Variants in CD300LB observed in about 807,000 individuals in gnomAD.
CD300LB encodes CD300 molecule like family member b.
Under a neutral mutation model 20.8 loss-of-function variants are expected in CD300LB, and 18 were observed. That is an observed-to-expected ratio of 0.87 (90% CI 0.60 to 1.28). CD300LB has a LOEUF of 1.28. Ranked by LOEUF, CD300LB falls within the 50% of genes most tolerant of loss-of-function variation. The probability of loss-of-function intolerance (pLI) is 0.00; values close to 1 mark genes in which losing one functional copy is unlikely to be tolerated. For synonymous variants in CD300LB, 91 were observed against 91.3 expected, an observed-to-expected ratio of 1.00 and a Z score of 0.02; for missense variants, 222 against 251.8, an observed-to-expected ratio of 0.88 and a Z score of 0.80.
intron 1 of CD300LB, among the ~76,000 whole-genome samples, chr17:74,527,874 G>A (rs117969496): frequency 1.3e-4 from 20 of 152,254 alleles, no homozygotes; most frequent in African/African-American, 4.6e-4. Flanking sequence ...GGAGGTGAGC[G>A]GTGGGCAAGC....
At chr17:74,528,912 G>A (rs774812111) in intron 1 of CD300LB, among the ~76,000 whole-genome samples, 7 of 152,050 alleles carry the variant, frequency 4.6e-5, no homozygotes, top group Admixed American at 1.3e-4. Flanking sequence ...CAGGAGGATC[G>A]CTTGAGCCCA....
chr17:74,523,486 G>A (rs770469135), intron 3 of CD300LB, 93 bp downstream of exon 3: 1 of 874,458 alleles, frequency 1.1e-6, no homozygotes, highest in Non-Finnish European at 2.0e-6. Context: ...TAGAACAGGT[G>A]CTGGCATTTG....
chr17:74,521,315 A>C lies in CD300LB; in HGVS notation c.*1423T>G. On this transcript the variant is annotated 3_prime_UTR_variant, in exon 4 of 4. Transcript: ENST00000392621. ...CATGCTTTGGCTTTCCCTCCCGCGG[A>C]GCGGTGCCGTCCTCCCTGGGTCTGG... 4.1e-6 allele frequency: 4 copies of C among 981,052 alleles called. No individual in the cohort carries two copies. The highest frequency in any genetic ancestry group is 4.8e-6 in the Non-Finnish European group (4 of 826,010). The allele number at this position is 981,052 out of a possible 1,614,324, so 60.8% of individuals were successfully genotyped here. A position where few individuals can be genotyped will look rare whatever the true frequency, so the allele number is the denominator to read the frequency against.
At chr17:74,531,028 C>T (rs1469298312) in intron 1 of CD300LB, among the ~76,000 whole-genome samples, 4 of 152,274 alleles carry the variant, frequency 2.6e-5, no homozygotes, top group East Asian at 1.9e-4. Context: ...TGGTCTTAAA[C>T]GCCTGGACTC....
rs150773470 is a variant in CD300LB at position 74,525,957 on chromosome 17, C to G, written c.161G>C (p.Arg54Pro). ...AATGAGGATCTTGCATGTATCCCAG[C>G]GCACCCCTCGGCACCACCACTTAAT... is the stretch of plus-strand genomic sequence containing the variant. ...TYIKWWCRGV[R>P]WDTCKILIET... is the part of the protein sequence containing the mutation. Residue 54 changes from arginine (R) to proline (P), a missense_variant, in exon 2 of 4, where the codon CGC becomes CCC. By Grantham distance (103) the Arg-to-Pro change is moderately radical. Coordinates refer to ENST00000392621, the MANE Select transcript of CD300LB (RefSeq NM_174892.4). 2 of 1,614,098 alleles carry G rather than the reference C, an allele frequency of 1.2e-6. No individual in the cohort carries two copies. The highest frequency in any genetic ancestry group is 2.2e-5 in the South Asian group (2 of 91,084).
In CD300LB at chr17:74,522,745, G is replaced by T; in HGVS notation, c.599C>A (p.Ala200Asp). The T allele has an allele frequency of 6.2e-7, 1 of 1,614,128 alleles. No homozygotes were observed. The highest frequency in any genetic ancestry group is 8.5e-7 in the Non-Finnish European group (1 of 1,179,998). Residue 200 changes from alanine to aspartate, a missense_variant, in exon 4 of 4, where the codon GCC becomes GAC. Transcript: ENST00000392621. ...CTCTGCAGATCCATCTCTCTAAGTGGCCATGTCTTTAGTCAGAGGTTCGGA... is the reference window on the plus strand; with the variant it reads ...CTCTGCAGATCCATCTCTCTAAGTGTCCATGTCTTTAGTCAGAGGTTCGGA... Reference protein sequence around the residue: ...NFSEPLTKDMAT With the variant: ...NFSEPLTKDMDT
At position 74,526,012 on chromosome 17, in the gene CD300LB, A is replaced by C; in HGVS notation, c.106T>G (p.Cys36Gly). The change falls in exon 2 of 4, where the codon TGC (cysteine) becomes GGC (glycine). Residue 36 changes from cysteine to glycine, a missense_variant. Coordinates refer to ENST00000392621, the MANE Select transcript of CD300LB (RefSeq NM_174892.4). ...GTCTCCCATCCTTGCTTATAGTGGC[A>C]TTGAACCGTCAGGGACCCCTGCTCT... ...APEQGSLTVQ[C>G]HYKQGWETYI... The C allele has an allele frequency of 6.2e-7, 1 of 1,614,092 alleles. No individual in the cohort carries two copies. Among genetic ancestry groups the C allele is most frequent in the Non-Finnish European group, 8.5e-7 (1 of 1,180,020 alleles).
In CD300LB at chr17:74,522,511, A is replaced by G. The variant is rs1376896005; in HGVS notation, c.*227T>C. The stretch of plus-strand genomic sequence containing the variant: ...TCCATCTCTACAGCTCCTGACCAAG[A>G]GAACAGGTGCTGGCACCCCAGGAGG... On this transcript the variant is annotated 3_prime_UTR_variant, in exon 4 of 4. Coordinates refer to ENST00000392621, the MANE Select transcript of CD300LB (RefSeq NM_174892.4). The G allele has an allele frequency of 6.8e-6, 9 of 1,315,886 alleles. No individual in the cohort carries two copies. The highest frequency in any genetic ancestry group is 8.8e-6 in the Non-Finnish European group (9 of 1,026,618). 81.5% of individuals were successfully genotyped at this position (1,315,886 alleles called of 1,614,324 possible).
rs1047159600 is a variant in CD300LB, at chr17:74,529,361, C to T, written c.40+1950G>A. Among the ~76,000 whole-genome samples, 3 of 152,184 alleles carry T rather than the reference C, an allele frequency of 2.0e-5. No homozygotes were observed. The South Asian group carries it at 6.2e-4, about 32-fold the overall frequency. On this transcript the variant is annotated intron_variant, in intron 1 of 3. Transcript: ENST00000392621. ...TAATCTTGTCTTTTGTGTTTCCAAC[C>T]TCATATCCAACTCGCCACCCCCAAG...
intron 1 of CD300LB, among the ~76,000 whole-genome samples, chr17:74,528,722 A>T (rs1908108884): frequency 6.6e-6 from 1 of 152,062 alleles, no homozygotes; most frequent in South Asian, 2.1e-4. Context: ...ATGCAGAAAG[A>T]CTTGACACTG....
chr17:74,523,554 C>A, intron 3 of CD300LB, 25 bp downstream of exon 3: 1 of 1,549,864 alleles, frequency 6.5e-7, no homozygotes, highest in Non-Finnish European at 8.9e-7. Flanking sequence ...CAGGTAGGGG[C>A]AGGAGAAAGA....
At chr17:74,523,525 T>G in intron 3 of CD300LB, 54 bp downstream of exon 3, 1 of 1,314,962 alleles carries the variant, frequency 7.6e-7, no homozygotes, top group Non-Finnish European at 1.1e-6. Flanking sequence ...CAGGCTTGGC[T>G]TCCCCTTAGG....
rs1907917974 is a variant in CD300LB at position 74,522,682 on chromosome 17, C to T, written c.*56G>A. On this transcript the variant is annotated 3_prime_UTR_variant, in exon 4 of 4. Transcript: ENST00000392621. ...GGACTCGTAGATGTTCCTTCCACAGCCCGAGTCTCTTCTGGAAACGTGGCC... is the reference window on the plus strand; with the variant it reads ...GGACTCGTAGATGTTCCTTCCACAGTCCGAGTCTCTTCTGGAAACGTGGCC... 5 of 1,603,966 alleles carry T rather than the reference C, an allele frequency of 3.1e-6. No individual in the cohort carries two copies. The highest frequency in any genetic ancestry group is 4.3e-6 in the Non-Finnish European group (5 of 1,173,694).
At chr17:74,525,351 C>T (rs772724943) in intron 2 of CD300LB, among the ~76,000 whole-genome samples, 1 of 152,102 alleles carries the variant, frequency 6.6e-6, no homozygotes, top group African/African-American at 2.4e-5. Flanking sequence ...TGTTGTAAGA[C>T]ACCCAGAGCT....
chr17:74,524,823 T>G (rs71375234), intron 2 of CD300LB, among the ~76,000 whole-genome samples: 3,076 of 152,300 alleles, frequency 0.02, 31 homozygotes, highest in South Asian at 0.051. Context: ...ACCGCCTGCA[T>G]GTCTTGCTCA....
intron 3 of CD300LB, 97 bp downstream of exon 3, chr17:74,523,482 A>G (rs901275747): frequency 2.4e-6 from 2 of 850,722 alleles, no homozygotes; most frequent in Admixed American, 3.4e-5. Context: ...TGGCTAGAAC[A>G]GGTGCTGGCA....
chr17:74,524,509 G>A (rs1186596234), intron 2 of CD300LB, among the ~76,000 whole-genome samples: 1 of 152,108 alleles, frequency 6.6e-6, no homozygotes, highest in Non-Finnish European at 1.5e-5. Flanking sequence ...GATTGATTGA[G>A]CCCAGGAGGT....
At position 74,521,308 on chromosome 17, in the gene CD300LB, CCCG is replaced by C. The variant is rs1472564642; in HGVS notation, c.*1427_*1429del. The C allele has an allele frequency of 1.0e-6, 1 of 977,298 alleles. No homozygotes were observed. The highest frequency in any genetic ancestry group is 1.2e-6 in the Non-Finnish European group (1 of 822,612). The allele number at this position is 977,298 out of a possible 1,614,324, so 60.5% of individuals were successfully genotyped here. On this transcript the variant is annotated 3_prime_UTR_variant, in exon 4 of 4. Transcript: ENST00000392621. ...GAAGCACCATGCTTTGGCTTTCCCT[CCCG>C]CGGAGCGGTGCCGTCCTCCCTGGGT...
chr17:74,523,429 G>A (rs945722946), intron 3 of CD300LB, 150 bp downstream of exon 3: 2 of 655,286 alleles, frequency 3.1e-6, no homozygotes, highest in Admixed American at 2.2e-5. Context: ...TTGCAGTGAT[G>A]GGGGCAGGAG....
Sources: allele counts gnomAD v4.1 joint callset (sites outside exome capture counted in the v4.1 genomes callset), GRCh38; gene constraint gnomAD v4.1.1; transcripts MANE v1.5; gene names NCBI Gene and HGNC (gene_info 2026-07-23, HGNC 2026-07-21).